SEMA3E: variants seen among roughly 807,000 people sequenced by gnomAD.
SEMA3E encodes semaphorin 3E.
In SEMA3E, 49 loss-of-function variants were observed where a neutral mutation model predicts 93.6. The observed-to-expected ratio is 0.52, with a 90% CI of 0.42 to 0.66. SEMA3E has a LOEUF of 0.66. SEMA3E is among the 30% of genes least tolerant of loss of function. The pLI, the probability that SEMA3E is intolerant of heterozygous loss-of-function variation, is 0.00. For synonymous variants in SEMA3E, 363 were observed against 330.7 expected (o/e 1.10, Z -1.06); for missense variants, 906 against 964.8 (o/e 0.94, Z 0.81).
intron 1 of SEMA3E, among the ~76,000 whole-genome samples, chr7:83,580,834 A>G (rs1792504550): frequency 1.3e-5 from 2 of 151,980 alleles, no homozygotes; most frequent in African/African-American, 4.8e-5. Context: ...AAGGCACTAA[A>G]TGCTGTGAAT....
rs1045813161 is a variant in SEMA3E at position 83,364,330 on chromosome 7, T to C, written c.*3256A>G. 2 of 152,228 alleles carry C rather than the reference T, an allele frequency of 1.3e-5. No individual in the cohort carries two copies. Among genetic ancestry groups the C allele is most frequent in the Non-Finnish European group, 2.9e-5 (2 of 68,036 alleles). The allele number at this position is 152,228 out of a possible 1,614,324, so 9.4% of individuals were successfully genotyped here. A position where few individuals can be genotyped will look rare whatever the true frequency, so the allele number is the denominator to read the frequency against. ...AAGATTTACAAAACCCTAAAACCTA[T>C]AGCAAATATCGAACACTCATTACAA... On this transcript the variant is annotated 3_prime_UTR_variant, in exon 17 of 17. Coordinates refer to ENST00000643230, the MANE Select transcript of SEMA3E (RefSeq NM_012431.3).
At chr7:83,519,679 G>T (rs1355033330) in intron 1 of SEMA3E, among the ~76,000 whole-genome samples, 1 of 152,076 alleles carries the variant, frequency 6.6e-6, no homozygotes, top group East Asian at 1.9e-4. Context: ...ATCATACTGA[G>T]TTTTAATCAC....
chr7:83,408,681 G>C (rs2115655926), intron 5 of SEMA3E, among the ~76,000 whole-genome samples, 194 bp from the exon 6 acceptor site: 1 of 152,274 alleles, frequency 6.6e-6, no homozygotes, highest in African/African-American at 2.4e-5. Flanking sequence ...GTGTGAACTT[G>C]GGCAAGTTGC....
intron 1 of SEMA3E, among the ~76,000 whole-genome samples, chr7:83,636,916 T>C (rs1793892065): frequency 6.6e-6 from 1 of 152,010 alleles, no homozygotes; most frequent in Non-Finnish European, 1.5e-5. Context: ...TTTCATAGCA[T>C]CCCTTGATAT....
At chr7:83,639,155 C>T (rs535288134) in intron 1 of SEMA3E, among the ~76,000 whole-genome samples, 1 of 139,306 alleles carries the variant, frequency 7.2e-6, no homozygotes, top group East Asian at 2.1e-4. Flanking sequence ...GATTCCTGAG[C>T]CTCAGAATTA....
intron 1 of SEMA3E, among the ~76,000 whole-genome samples, chr7:83,524,489 T>C (rs1328697275): frequency 6.6e-6 from 1 of 152,110 alleles, no homozygotes; most frequent in Non-Finnish European, 1.5e-5. Flanking sequence ...AGCACATTTG[T>C]GCAGGGGCCA....
chr7:83,618,173 T>C (rs1043130175), intron 1 of SEMA3E, among the ~76,000 whole-genome samples: 2 of 152,122 alleles, frequency 1.3e-5, no homozygotes, highest in Non-Finnish European at 2.9e-5. Context: ...ACATTGTCAG[T>C]ACCTATTATG....
intron 1 of SEMA3E, among the ~76,000 whole-genome samples, chr7:83,502,189 C>G (rs2115606074): frequency 6.6e-6 from 1 of 152,288 alleles, no homozygotes; most frequent in South Asian, 2.1e-4. Context: ...TCTACCACCT[C>G]TCATCTGGAC....
intron 4 of SEMA3E, among the ~76,000 whole-genome samples, chr7:83,434,976 G>A (rs540210836): frequency 6.6e-6 from 1 of 152,050 alleles, no homozygotes; most frequent in South Asian, 2.1e-4. Flanking sequence ...GCCTCCCAAA[G>A]TGCTGGGATT....
chr7:83,594,029 C>A, intron 1 of SEMA3E, among the ~76,000 whole-genome samples: 1 of 151,934 alleles, frequency 6.6e-6, no homozygotes, highest in East Asian at 1.9e-4. Flanking sequence ...GTACATGAAC[C>A]AGCTCTGTAC....
At chr7:83,618,770 TAAATACAATA>T (rs1793480937) in intron 1 of SEMA3E, among the ~76,000 whole-genome samples, 1 of 151,906 alleles carries the variant, frequency 6.6e-6, no homozygotes, top group Non-Finnish European at 1.5e-5. Context: ...TGCCCAAAGA[TAAATACAATA>T]AAATACAATA....
At chr7:83,467,691 A>C (rs1789798959) in intron 3 of SEMA3E, among the ~76,000 whole-genome samples, 1 of 152,236 alleles carries the variant, frequency 6.6e-6, no homozygotes, top group Non-Finnish European at 1.5e-5. Context: ...AACTTTATTT[A>C]CAAAAATAGG....
At chr7:83,597,060 C>T (rs1399781924) in intron 1 of SEMA3E, among the ~76,000 whole-genome samples, 2 of 152,062 alleles carry the variant, frequency 1.3e-5, no homozygotes, top group Non-Finnish European at 2.9e-5. Context: ...GACTGCCTAA[C>T]ACTACTAGAA....
At position 83,367,718 on chromosome 7, in the gene SEMA3E, T is replaced by C. The variant is rs1331641509; in HGVS notation, c.2196A>G (p.Val732=). 3 of 1,614,060 alleles carry C rather than the reference T, an allele frequency of 1.9e-6. No individual in the cohort carries two copies. Among genetic ancestry groups the C allele is most frequent in the Admixed American group, 1.7e-5 (1 of 60,014 alleles). Residue 732 remains valine (V), a synonymous_variant, in exon 17 of 17, where the codon GTA becomes GTG. Coordinates refer to ENST00000643230, the MANE Select transcript of SEMA3E (RefSeq NM_012431.3). ...TTTTCCTCTTTCTATCTGTGCACCA[T>C]ACTTTCTCGCAGTATTCTTCCACTC... ...FQRVEEYCEK[V]WCTDRKRKKL... is the part of the protein sequence containing the mutation.
chr7:83,586,661 CAGA>C (rs771743541), intron 1 of SEMA3E, among the ~76,000 whole-genome samples: 6 of 151,410 alleles, frequency 4.0e-5, no homozygotes, highest in Non-Finnish European at 7.4e-5. Context: ...CCAAGACAAG[CAGA>C]AGAAGGGATT....
intron 14 of SEMA3E, among the ~76,000 whole-genome samples, chr7:83,391,616 C>T (rs1358183771): frequency 1.3e-5 from 2 of 151,758 alleles, no homozygotes; most frequent in African/African-American, 4.8e-5. Flanking sequence ...TTAAAATACT[C>T]ACTGGAGTGT....
chr7:83,648,880 C>CAT lies in SEMA3E; in HGVS notation c.-339_-338insAT. On this transcript the variant is annotated 5_prime_UTR_variant, in exon 1 of 17. In the 5' UTR this introduces an upstream ATG that the reference lacks. Transcript: ENST00000643230. ...AGTCACTTGGGCAAAGCTGTTCATT[C>CAT]AGAAAAAAAAAAAAAAAAGAGAGAA... 8.3e-6 allele frequency: 1 copy of CAT among 120,044 alleles called. No homozygotes were observed. The highest frequency in any genetic ancestry group is 1.5e-5 in the Non-Finnish European group (1 of 64,714). 7.4% of individuals were successfully genotyped at this position (120,044 alleles called of 1,614,324 possible). A position where few individuals can be genotyped will look rare whatever the true frequency, so the allele number is the denominator to read the frequency against.
At position 83,429,027 on chromosome 7, in the gene SEMA3E, A is replaced by C. The variant is rs190051728; in HGVS notation, c.457-10544T>G. 2.8e-3 allele frequency among the ~76,000 whole-genome samples: 428 copies of C among 152,256 alleles called. 1 individual carries two copies. Among genetic ancestry groups the C allele is most frequent in the African/African-American group, 9.1e-3 (378 of 41,550 alleles). Reference sequence around the variant, plus strand: ...GAGGAGTATATGTGTTTGCGTTGTTAGGTGTGGTTGAATGTCATTTATAAG... The same window carrying C: ...GAGGAGTATATGTGTTTGCGTTGTTCGGTGTGGTTGAATGTCATTTATAAG... On this transcript the variant is annotated intron_variant, in intron 4 of 16. Transcript: ENST00000643230.
At chr7:83,553,487 G>C (rs1791813647) in intron 1 of SEMA3E, among the ~76,000 whole-genome samples, 1 of 151,998 alleles carries the variant, frequency 6.6e-6, no homozygotes, top group African/African-American at 2.4e-5. Flanking sequence ...TCATCCATCT[G>C]GTTTCTTCCA....
Sources: gnomAD v4.1 joint callset for allele counts (sites outside exome capture counted in the v4.1 genomes callset) on GRCh38, gnomAD v4.1.1 for gene constraint, MANE v1.5 for transcripts, NCBI Gene and HGNC (gene_info 2026-07-23, HGNC 2026-07-21) for gene names.